The following NREP variants were observed in gnomAD, a reference collection of about 807,000 sequenced individuals.
NREP encodes the protein neuronal regeneration-related protein.
In NREP, 5 loss-of-function variants were observed where a neutral mutation model predicts 8.6. The observed-to-expected ratio is 0.58, with a 90% CI of 0.30 to 1.22. The LOEUF is 1.22. Among genes scored for constraint, NREP ranks in the 50% most tolerant of loss-of-function variants. The probability of loss-of-function intolerance (pLI) is 0.07; values close to 1 mark genes in which losing one functional copy is unlikely to be tolerated. For synonymous variants in NREP, 27 were observed against 28.0 expected (o/e 0.96, Z 0.11); for missense variants, 86 against 82.5 (o/e 1.04, Z -0.17).
chr5:111,955,827 G>A (rs1362091301), intron 2 of NREP, among the ~76,000 whole-genome samples: 1 of 150,354 alleles, frequency 6.7e-6, no homozygotes, highest in Non-Finnish European at 1.5e-5. Flanking sequence ...GGAGTAGACA[G>A]AGCCAAAAGG....
At chr5:111,947,646 T>A (rs1467482596) in intron 2 of NREP, among the ~76,000 whole-genome samples, 1 of 152,030 alleles carries the variant, frequency 6.6e-6, no homozygotes, top group Non-Finnish European at 1.5e-5. Context: ...ATCATCCACG[T>A]GGTATCTATA....
rs563792053 is a variant in NREP at position 111,821,265 on chromosome 5, T to C, written c.136-85758A>G. The stretch of plus-strand genomic sequence containing the variant: ...TTATTTTTGTATTCCTGATTAGGAC[T>C]ATGAGGAATTATAAGATCTAATGAA... On this transcript the variant is annotated intron_variant, in intron 2 of 3. Coordinates refer to the NREP transcript ENST00000395634. 2.6e-5 allele frequency among the ~76,000 whole-genome samples: 4 copies of C among 152,306 alleles called. No homozygotes were observed. The South Asian group carries it at 8.3e-4, about 32-fold the overall frequency.
At chr5:111,891,856 C>T (rs980929808) in intron 2 of NREP, among the ~76,000 whole-genome samples, 3 of 152,158 alleles carry the variant, frequency 2.0e-5, no homozygotes, top group Admixed American at 6.5e-5. Context: ...AATACACCAT[C>T]GTGAGCCAAT....
intron 2 of NREP, among the ~76,000 whole-genome samples, chr5:111,781,608 T>A (rs1328888009): frequency 6.6e-6 from 1 of 152,176 alleles, no homozygotes; most frequent in Non-Finnish European, 1.5e-5. Context: ...CTCCACAGTT[T>A]AGGATAATTT....
At chr5:111,827,401 A>T (rs151257608) in intron 2 of NREP, among the ~76,000 whole-genome samples, 1 of 152,368 alleles carries the variant, frequency 6.6e-6, no homozygotes, top group African/African-American at 2.4e-5. Context: ...TCATGAAGAC[A>T]AGGATCACTG....
intron 2 of NREP, among the ~76,000 whole-genome samples, chr5:111,915,461 A>G (rs1228417663): frequency 6.6e-6 from 1 of 152,060 alleles, no homozygotes; most frequent in Non-Finnish European, 1.5e-5. Flanking sequence ...AGGCTACTAC[A>G]AGAGGCAATG....
At chr5:111,811,171 C>G (rs1416818624) in intron 2 of NREP, among the ~76,000 whole-genome samples, 1 of 152,076 alleles carries the variant, frequency 6.6e-6, no homozygotes, top group East Asian at 1.9e-4. Flanking sequence ...CCTTTAGACC[C>G]ACTCTTGTCA....
chr5:111,826,003 G>A (rs1382961546), intron 2 of NREP, among the ~76,000 whole-genome samples: 1 of 151,122 alleles, frequency 6.6e-6, no homozygotes, highest in African/African-American at 2.4e-5. Flanking sequence ...ACCCAAGCTG[G>A]AATGCAGTGG....
chr5:111,861,730 A>G (rs774180180), intron 2 of NREP, among the ~76,000 whole-genome samples: 1 of 152,174 alleles, frequency 6.6e-6, no homozygotes, highest in Non-Finnish European at 1.5e-5. Context: ...TATGACCAAT[A>G]ACAATAGCTT....
chr5:111,800,242 A>G (rs548941484), intron 2 of NREP, among the ~76,000 whole-genome samples: 21 of 152,282 alleles, frequency 1.4e-4, no homozygotes, highest in African/African-American at 4.8e-4. Flanking sequence ...ATGTAATTTT[A>G]AAAGGAATAA....
intron 2 of NREP, among the ~76,000 whole-genome samples, chr5:111,766,471 C>T (rs1222473774): frequency 1.3e-5 from 2 of 152,206 alleles, no homozygotes; most frequent in Non-Finnish European, 2.9e-5. Flanking sequence ...AAGGCTTCTG[C>T]TATTCATCAG....
intron 2 of NREP, among the ~76,000 whole-genome samples, chr5:111,794,235 G>A (rs1751824808): frequency 6.6e-6 from 1 of 152,190 alleles, no homozygotes. Flanking sequence ...TGCAAATGCT[G>A]CAGTCATTTG....
At chr5:111,822,297 T>A (rs1214970596) in intron 2 of NREP, among the ~76,000 whole-genome samples, 1 of 152,218 alleles carries the variant, frequency 6.6e-6, no homozygotes, top group East Asian at 1.9e-4. Flanking sequence ...CCTGGAGTTA[T>A]TTGTAAACTT....
chr5:111,774,211 A>T (rs1207823484), intron 2 of NREP, among the ~76,000 whole-genome samples: 2 of 147,538 alleles, frequency 1.4e-5, no homozygotes, highest in Non-Finnish European at 3.0e-5. Flanking sequence ...GGAGGAAGAA[A>T]GGAAGGAAGG....
rs184070378 is a variant in NREP, at chr5:111,837,514, G to T, written c.136-102007C>A. ...AAAAAGTATTTTGTCATCATTCATG[G>T]TAGCTATTAAGTCACTTCCTTACTT... is the stretch of plus-strand genomic sequence containing the variant. On this transcript the variant is annotated intron_variant, in intron 2 of 3. Coordinates refer to the NREP transcript ENST00000395634. Among the ~76,000 whole-genome samples the T allele has an allele frequency of 4.6e-5, 7 of 152,180 alleles. No individual in the cohort carries two copies. In the East Asian group the frequency reaches 1.3e-3, roughly 29 times the overall value.
intron 2 of NREP, among the ~76,000 whole-genome samples, chr5:111,928,337 TTTTTTAA>T (rs1363979633): frequency 1.2e-4 from 17 of 141,660 alleles, no homozygotes; most frequent in African/African-American, 5.4e-4. Context: ...CTGATTTAGT[TTTTTTAA>T]TTTTTAGAAA....
intron 2 of NREP, among the ~76,000 whole-genome samples, chr5:111,853,056 G>C (rs754705183): frequency 1.3e-5 from 2 of 152,132 alleles, no homozygotes; most frequent in Non-Finnish European, 2.9e-5. Context: ...GGTGATGGTG[G>C]TGGTGGTCAT....
intron 1 of NREP, chr5:111,976,686 C>G: frequency 6.5e-7 from 1 of 1,544,096 alleles, no homozygotes; most frequent in Non-Finnish European, 8.8e-7. Context: ...CATATGCATA[C>G]ACAGTAAGTT....
At chr5:111,914,687 C>G (rs1351812192) in intron 2 of NREP, among the ~76,000 whole-genome samples, 1 of 152,114 alleles carries the variant, frequency 6.6e-6, no homozygotes, top group Non-Finnish European at 1.5e-5. Context: ...AGTAGCCTTA[C>G]TGAGAGATCC....
Sources: allele counts gnomAD v4.1 joint callset (sites outside exome capture counted in the v4.1 genomes callset), GRCh38; gene constraint gnomAD v4.1.1; transcripts MANE v1.5; gene names NCBI Gene and HGNC (gene_info 2026-07-23, HGNC 2026-07-21).